Variants in CSMD1 observed in about 807,000 individuals in gnomAD.
CSMD1 encodes the protein CUB and Sushi multiple domains 1.
A neutral mutation model predicts 417.5 loss-of-function variants in CSMD1; 213 were observed. The observed-to-expected ratio is 0.51, with a 90% confidence interval of 0.46 to 0.57. The LOEUF (loss-of-function observed/expected upper bound fraction) is 0.57, where lower values mean the gene tolerates loss of function less well. CSMD1 is among the 20% of genes least tolerant of loss of function. The pLI is 0.00. For missense variants in CSMD1, 6,923 were observed against 4,529.7 expected, an observed-to-expected ratio of 1.53 and a Z score of -15.17; for synonymous variants, 2,862 against 1,736.8, an observed-to-expected ratio of 1.65 and a Z score of -16.11.
At chr8:3,270,331 C>G (rs926593273) in intron 26 of CSMD1, among the ~76,000 whole-genome samples, 3 of 152,158 alleles carry the variant, frequency 2.0e-5, no homozygotes, top group African/African-American at 7.2e-5. Context: ...CCTGGGATTA[C>G]AGGCATGAGC....
At chr8:4,819,998 G>T (rs1416235941) in intron 1 of CSMD1, among the ~76,000 whole-genome samples, 1 of 152,112 alleles carries the variant, frequency 6.6e-6, no homozygotes, top group Non-Finnish European at 1.5e-5. Context: ...CTATGTAATT[G>T]TTCTATTCAT....
chr8:4,246,742 T>C (rs774066650), intron 3 of CSMD1, among the ~76,000 whole-genome samples: 2 of 152,148 alleles, frequency 1.3e-5, no homozygotes, highest in Non-Finnish European at 2.9e-5. Context: ...TGTATTTATT[T>C]AAATAAAGAA....
At chr8:2,969,921 A>G (rs1292370497) in intron 57 of CSMD1, among the ~76,000 whole-genome samples, 1 of 152,172 alleles carries the variant, frequency 6.6e-6, no homozygotes, top group East Asian at 1.9e-4. Context: ...TCCGTATCAT[A>G]TAATGCAGTT....
rs149786875 is a variant in CSMD1 at position 4,683,891 on chromosome 8, G to A, written c.86-46333C>T. ...ATCACTAATTGTCAAGAACTTTATA[G>A]GAAAGGACTAATTAGATATGTGAGC... On this transcript the variant is annotated intron_variant, in intron 1 of 69. Coordinates refer to ENST00000635120, the MANE Select transcript of CSMD1 (RefSeq NM_033225.6). Among the ~76,000 whole-genome samples, 602 of 152,244 alleles carry A rather than the reference G, an allele frequency of 4.0e-3. 3 individuals are homozygous for A. Among genetic ancestry groups the A allele is most frequent in the Middle Eastern group, 6.8e-3 (2 of 294 alleles).
intron 26 of CSMD1, among the ~76,000 whole-genome samples, chr8:3,254,805 C>T (rs1018831344): frequency 6.6e-6 from 1 of 152,032 alleles, no homozygotes; most frequent in Non-Finnish European, 1.5e-5. Flanking sequence ...ACTTCTTTGC[C>T]ATGGGTTCAA....
At chr8:3,140,088 G>C (rs950563612) in intron 41 of CSMD1, among the ~76,000 whole-genome samples, 8 of 152,070 alleles carry the variant, frequency 5.3e-5, no homozygotes, top group Non-Finnish European at 1.2e-4. Context: ...ATTTTTAGTA[G>C]AGATGTGGTT....
chr8:4,114,957 A>T (rs535085092), intron 3 of CSMD1, among the ~76,000 whole-genome samples: 1 of 152,240 alleles, frequency 6.6e-6, no homozygotes. Flanking sequence ...AGATGCCATA[A>T]ACATTGTTGA....
intron 1 of CSMD1, among the ~76,000 whole-genome samples, chr8:4,889,302 G>A (rs963772120): frequency 2.3e-4 from 35 of 152,060 alleles, no homozygotes; most frequent in African/African-American, 7.5e-4. Context: ...GGAAACATTA[G>A]AGAAACTCAA....
chr8:3,902,618 C>T (rs1340057114), intron 5 of CSMD1, among the ~76,000 whole-genome samples: 2 of 152,048 alleles, frequency 1.3e-5, no homozygotes, highest in Non-Finnish European at 2.9e-5. Context: ...CGCCGCCGAT[C>T]TGAGAGGAGG....
rs141894770 is a variant in CSMD1, at chr8:3,406,017, G to A, written c.2266+10C>T. ...CAAAGGAGAAGAGCGGGGGGTGGCA[G>A]GGACTGCACCTTCACAGCGGGGCAC... On this transcript the variant is annotated intron_variant, in intron 15 of 69. Coordinates refer to ENST00000635120, the MANE Select transcript of CSMD1 (RefSeq NM_033225.6). The A allele has an allele frequency of 4.3e-5, 69 of 1,611,112 alleles. No homozygotes were observed. Among genetic ancestry groups the A allele is most frequent in the Non-Finnish European group, 5.7e-5 (67 of 1,178,556 alleles).
intron 5 of CSMD1, among the ~76,000 whole-genome samples, chr8:3,844,177 T>C (rs1338359645): frequency 6.6e-6 from 1 of 152,210 alleles, no homozygotes; most frequent in African/African-American, 2.4e-5. Flanking sequence ...TTAGAAAGGC[T>C]TATTTTTATT....
At chr8:3,665,702 T>G (rs11995993) in intron 7 of CSMD1, among the ~76,000 whole-genome samples, 4 of 151,998 alleles carry the variant, frequency 2.6e-5, no homozygotes, top group African/African-American at 7.2e-5. Flanking sequence ...TGTGAAACCA[T>G]CGCTACATAT....
chr8:3,336,342 G>A (rs1226319349), intron 23 of CSMD1, among the ~76,000 whole-genome samples: 1 of 152,126 alleles, frequency 6.6e-6, no homozygotes. Context: ...GCATTCCTAT[G>A]CCAAGAGACA....
At chr8:4,821,980 T>C (rs1039524842) in intron 1 of CSMD1, among the ~76,000 whole-genome samples, 3 of 152,016 alleles carry the variant, frequency 2.0e-5, no homozygotes, top group Admixed American at 6.6e-5. Context: ...CTACGTAAAA[T>C]AAAGTTCCTC....
chr8:4,102,550 T>G (rs536165680), intron 3 of CSMD1, among the ~76,000 whole-genome samples: 5 of 151,698 alleles, frequency 3.3e-5, no homozygotes, highest in Non-Finnish European at 7.4e-5. Context: ...AAATGTCAGC[T>G]TATCACAGGA....
intron 3 of CSMD1, among the ~76,000 whole-genome samples, chr8:4,168,829 C>A (rs912587689): frequency 6.6e-6 from 1 of 152,114 alleles, no homozygotes. Flanking sequence ...CATTCCGGCT[C>A]TCTGTTGTCT....
At chr8:4,411,137 G>C (rs538015149) in intron 3 of CSMD1, among the ~76,000 whole-genome samples, 2 of 152,064 alleles carry the variant, frequency 1.3e-5, no homozygotes, top group Non-Finnish European at 2.9e-5. Flanking sequence ...CCATAACCAT[G>C]AGATACATCT....
In CSMD1 at chr8:4,640,363, A is replaced by G. The variant is rs555682099; in HGVS notation, c.86-2805T>C. 4.0e-4 allele frequency among the ~76,000 whole-genome samples: 61 copies of G among 152,378 alleles called. 2 individuals carry two copies. In the East Asian group the frequency reaches 9.6e-3, roughly 24 times the overall value. On this transcript the variant is annotated intron_variant, in intron 1 of 69. Transcript: ENST00000635120. ...TAGAATCGGATGTATTTGGTCTGCAACTTAATACTGCATCTTATTATAAAG... is the reference window on the plus strand; with the variant it reads ...TAGAATCGGATGTATTTGGTCTGCAGCTTAATACTGCATCTTATTATAAAG...
intron 12 of CSMD1, among the ~76,000 whole-genome samples, chr8:3,442,103 A>T (rs1046237284): frequency 6.6e-6 from 1 of 152,080 alleles, no homozygotes; most frequent in Non-Finnish European, 1.5e-5. Flanking sequence ...TAAAATAAAA[A>T]ATGTTTACAG....
Sources: allele counts gnomAD v4.1 joint callset (sites outside exome capture counted in the v4.1 genomes callset), GRCh38; gene constraint gnomAD v4.1.1; transcripts MANE v1.5; gene names NCBI Gene and HGNC (gene_info 2026-07-23, HGNC 2026-07-21).